MGRN1: variants seen among roughly 807,000 people sequenced by gnomAD.
The protein encoded by MGRN1 is E3 ubiquitin-protein ligase MGRN1.
MGRN1 carries 29 observed loss-of-function variants against 69.2 expected under a neutral mutation model. The observed-to-expected ratio is 0.42, with a 90% CI of 0.31 to 0.57. The LOEUF (loss-of-function observed/expected upper bound fraction) is 0.57, where lower values mean the gene tolerates loss of function less well. Ranked by LOEUF, MGRN1 falls within the 20% of genes least tolerant of loss-of-function variation. The pLI is 0.15. For synonymous variants in MGRN1, 470 were observed against 344.2 expected (o/e 1.37, Z -4.04); for missense variants, 998 against 796.2 (o/e 1.25, Z -3.05).
chr16:4,673,853 G>A (rs2078996725), intron 10 of MGRN1, among the ~76,000 whole-genome samples, 196 bp downstream of exon 10: 4 of 152,246 alleles, frequency 2.6e-5, no homozygotes, highest in Admixed American at 2.6e-4. Context: ...AGGGACGCTA[G>A]CACGGGGCAT....
chr16:4,668,584 C>T (rs1263595327), intron 8 of MGRN1, among the ~76,000 whole-genome samples: 6 of 151,396 alleles, frequency 4.0e-5, no homozygotes, highest in African/African-American at 1.2e-4. Flanking sequence ...CATACAGACA[C>T]GACACTCATA....
chr16:4,634,749 A>T (rs1260546374), intron 1 of MGRN1: 1 of 152,296 alleles, frequency 6.6e-6, no homozygotes. Flanking sequence ...GAGAGGTTTG[A>T]GGAGTGACTG....
intron 8 of MGRN1, among the ~76,000 whole-genome samples, chr16:4,670,301 G>A (rs2078910699): frequency 6.6e-6 from 1 of 152,198 alleles, no homozygotes; most frequent in African/African-American, 2.4e-5. Context: ...GGAGTGCAGT[G>A]GCATGATCCC....
intron 15 of MGRN1, among the ~76,000 whole-genome samples, 192 bp downstream of exon 15, chr16:4,683,461 G>A (rs936884457): frequency 1.3e-5 from 2 of 152,154 alleles, no homozygotes; most frequent in Non-Finnish European, 2.9e-5. Flanking sequence ...GTCAGGCTGC[G>A]CTGTTGACCC....
At chr16:4,662,036 T>C (rs2078693649) in intron 5 of MGRN1, among the ~76,000 whole-genome samples, 4 of 152,162 alleles carry the variant, frequency 2.6e-5, no homozygotes, top group Admixed American at 6.5e-5. Flanking sequence ...CGTGTGTCCA[T>C]GTCCACATAG....
intron 5 of MGRN1, among the ~76,000 whole-genome samples, chr16:4,661,185 C>G (rs896285105): frequency 6.6e-6 from 1 of 151,058 alleles, no homozygotes; most frequent in Non-Finnish European, 1.5e-5. Context: ...CTCTATGTTG[C>G]GTAGGCTGGT....
intron 5 of MGRN1, 43 bp downstream of exon 5, chr16:4,657,406 A>G (rs764658822): frequency 1.9e-6 from 3 of 1,571,170 alleles, no homozygotes; most frequent in Non-Finnish European, 2.6e-6. Context: ...CTCCTCCTGA[A>G]TTCTCTCCCC....
intron 1 of MGRN1, among the ~76,000 whole-genome samples, chr16:4,647,444 C>T (rs1226782200): frequency 2.0e-5 from 3 of 152,226 alleles, no homozygotes; most frequent in East Asian, 1.9e-4. Context: ...ATCCTGGGCT[C>T]ACTGTACTGC....
intron 10 of MGRN1, among the ~76,000 whole-genome samples, chr16:4,676,412 G>C (rs1382836494): frequency 1.3e-5 from 2 of 152,240 alleles, no homozygotes; most frequent in Non-Finnish European, 2.9e-5. Flanking sequence ...CTGCTTTCCA[G>C]GGAGGGTGCC....
rs980079744 is a variant in MGRN1 at position 4,638,417 on chromosome 16, A to T, written c.89-11948A>T. Reference sequence around the variant, plus strand: ...GAGGCAGAGGTTGCAGTGAGCCGTGATCGTACCACTGCACTCCAGCCTGGG... The same window carrying T: ...GAGGCAGAGGTTGCAGTGAGCCGTGTTCGTACCACTGCACTCCAGCCTGGG... On this transcript the variant is annotated intron_variant, in intron 1 of 16. Transcript: ENST00000262370. 1.1e-4 allele frequency among the ~76,000 whole-genome samples: 16 copies of T among 151,980 alleles called. 1 individual carries two copies. Among genetic ancestry groups the T allele is most frequent in the Admixed American group, 6.6e-4 (10 of 15,252 alleles).
chr16:4,687,088 G>C (rs774063357), intron 16 of MGRN1: 108 of 985,264 alleles, frequency 1.1e-4, no homozygotes, highest in Admixed American at 1.2e-4. Flanking sequence ...ACAGTCCCTC[G>C]TGGGCTGCCT....
chr16:4,669,509 G>C (rs2078892826), intron 8 of MGRN1, among the ~76,000 whole-genome samples: 1 of 151,276 alleles, frequency 6.6e-6, no homozygotes, highest in Non-Finnish European at 1.5e-5. Flanking sequence ...ACGGGTCCCT[G>C]TCTTGGGTGA....
intron 10 of MGRN1, among the ~76,000 whole-genome samples, chr16:4,674,586 T>TTTTTTTCTTTTC (rs1555457311): frequency 1.9e-3 from 261 of 140,126 alleles, no homozygotes; most frequent in African/African-American, 6.5e-3. Flanking sequence ...CGCTTTTTTT[T>TTTTTTTCTTTTC]TTTTCTTTTC....
At chr16:4,667,874 GT>G (rs1406391057) in intron 7 of MGRN1, among the ~76,000 whole-genome samples, 3 of 152,144 alleles carry the variant, frequency 2.0e-5, no homozygotes, top group Admixed American at 2.0e-4. Flanking sequence ...GCAGGAAGCT[GT>G]TTTGTCTGTC....
chr16:4,684,163 A>G (rs2079253820), intron 16 of MGRN1, among the ~76,000 whole-genome samples: 1 of 152,376 alleles, frequency 6.6e-6, no homozygotes, highest in East Asian at 1.9e-4. Context: ...CGGAACCTGC[A>G]CCAAAGCCCC....
chr16:4,688,977 C>G lies in MGRN1; in HGVS notation c.*69C>G. ...CTTTGCCGAGGGGCTGCTCCGGACC[C>G]CGTTGTGAGCCGGCCTCCTGTCTGC... On this transcript the variant is annotated 3_prime_UTR_variant, in exon 17 of 17. Coordinates refer to ENST00000262370, the MANE Select transcript of MGRN1 (RefSeq NM_015246.4). 1 of 1,463,594 alleles carries G rather than the reference C, an allele frequency of 6.8e-7. No individual in the cohort carries two copies. The highest frequency in any genetic ancestry group is 9.1e-7 in the Non-Finnish European group (1 of 1,102,060). 90.7% of individuals were successfully genotyped at this position (1,463,594 alleles called of 1,614,324 possible).
Position 4,664,646 on chromosome 16 carries a change from C to G in MGRN1, c.562-63C>G, listed in dbSNP as rs1476912913. On this transcript the variant is annotated intron_variant, in intron 5 of 16. Coordinates refer to ENST00000262370, the MANE Select transcript of MGRN1 (RefSeq NM_015246.4). ...TGCTTTGTCCAGCTCATTTGTTGACCGACTCCAGGCTTCCAGGCTTGGCTG... is the reference window on the plus strand; with the variant it reads ...TGCTTTGTCCAGCTCATTTGTTGACGGACTCCAGGCTTCCAGGCTTGGCTG... The G allele has an allele frequency of 1.1e-5, 17 of 1,560,648 alleles. No homozygotes were observed. In the African/African-American group the frequency reaches 2.2e-4, roughly 20 times the overall value.
Position 4,677,491 on chromosome 16 carries a change from G to C in MGRN1, c.984G>C (p.Ala328=). Residue 328 remains alanine (A), a synonymous_variant, in exon 11 of 17, where the codon GCG becomes GCC. Transcript: ENST00000262370. ...LPFRALLQIR[A]VRKKPGALSP... ...TCCGGGCCCTCCTGCAGATCCGGGC[G>C]GTGCGGAAGAAGCCAGGAGCCCTGT... is the stretch of plus-strand genomic sequence containing the variant. The C allele has an allele frequency of 3.8e-6, 6 of 1,586,650 alleles. No homozygotes were observed. The highest frequency in any genetic ancestry group is 8.5e-7 in the Non-Finnish European group (1 of 1,172,096).
chr16:4,668,448 C>A, intron 8 of MGRN1, 136 bp downstream of exon 8: 1 of 855,290 alleles, frequency 1.2e-6, no homozygotes, highest in Non-Finnish European at 1.8e-6. Context: ...CACTCATACA[C>A]ATTCACTTGC....
Sources: allele counts gnomAD v4.1 joint callset (sites outside exome capture counted in the v4.1 genomes callset), GRCh38; gene constraint gnomAD v4.1.1; transcripts MANE v1.5; gene names NCBI Gene and HGNC (gene_info 2026-07-23, HGNC 2026-07-21).